Variants in ZCCHC14 observed in about 807,000 individuals in gnomAD.
ZCCHC14 encodes the protein zinc finger CCHC domain-containing protein 14.
ZCCHC14 carries 16 observed loss-of-function variants against 85.0 expected under a neutral mutation model. That is an observed-to-expected ratio of 0.19 (90% CI 0.13 to 0.29). The LOEUF (loss-of-function observed/expected upper bound fraction) is 0.29, where lower values mean the gene tolerates loss of function less well. Ranked by LOEUF, ZCCHC14 falls within the 10% of genes least tolerant of loss-of-function variation. The pLI is 1.00. For missense variants in ZCCHC14, 1,303 were observed against 1,443.5 expected, an observed-to-expected ratio of 0.90 and a Z score of 1.58; for synonymous variants, 775 against 630.7, an observed-to-expected ratio of 1.23 and a Z score of -3.43.
intron 1 of ZCCHC14, chr16:87,473,972 C>T (rs879277780): frequency 3.9e-5 from 6 of 152,224 alleles, no homozygotes; most frequent in Non-Finnish European, 8.8e-5. Flanking sequence ...ATCGCTGCTT[C>T]AGAGCCAGGG....
intron 1 of ZCCHC14, among the ~76,000 whole-genome samples, chr16:87,488,966 A>G (rs201349689): frequency 1.2e-5 from 1 of 82,192 alleles, no homozygotes; most frequent in Non-Finnish European, 2.0e-5. Flanking sequence ...TCTAAGCTCA[A>G]AGAGTTCAAA....
chr16:87,463,363 T>C (rs1024845939), intron 1 of ZCCHC14, among the ~76,000 whole-genome samples: 8 of 152,110 alleles, frequency 5.3e-5, no homozygotes, highest in East Asian at 1.9e-4. Context: ...GCCTGGGCGA[T>C]AGCGAGACCC....
In ZCCHC14 at chr16:87,408,709, T is replaced by C. The variant is rs1908309118; in HGVS notation, c.*1571A>G. 6.6e-6 allele frequency: 1 copy of C among 152,484 alleles called. No individual in the cohort carries two copies. Among genetic ancestry groups the C allele is most frequent in the Non-Finnish European group, 1.5e-5 (1 of 68,050 alleles). 9.4% of individuals were successfully genotyped at this position (152,484 alleles called of 1,614,324 possible). A position where few individuals can be genotyped will look rare whatever the true frequency, so the allele number is the denominator to read the frequency against. On this transcript the variant is annotated 3_prime_UTR_variant, in exon 13 of 13. Transcript: ENST00000671377. ...AAAATGTAACAACTTTCTGCTTTAGTTTCTATGAAGTTAGGAACTGCTCTT... is the reference window on the plus strand; with the variant it reads ...AAAATGTAACAACTTTCTGCTTTAGCTTCTATGAAGTTAGGAACTGCTCTT...
chr16:87,446,067 T>C (rs1389645971), intron 2 of ZCCHC14, among the ~76,000 whole-genome samples: 2 of 147,512 alleles, frequency 1.4e-5, no homozygotes, highest in African/African-American at 5.1e-5. Flanking sequence ...TTTGGGAGGC[T>C]AAGGCAGAAG....
chr16:87,443,000 A>G (rs925203297), intron 2 of ZCCHC14, among the ~76,000 whole-genome samples: 1 of 152,256 alleles, frequency 6.6e-6, no homozygotes, highest in Admixed American at 6.5e-5. Context: ...CTTTGAACAG[A>G]AGGAAAATGA....
intron 2 of ZCCHC14, among the ~76,000 whole-genome samples, chr16:87,451,199 C>CTT (rs35771265): frequency 0.023 from 3,079 of 136,640 alleles, 190 homozygotes; most frequent in South Asian, 0.21. Flanking sequence ...GGCGCCCAGC[C>CTT]TTTTTTTTTT....
chr16:87,418,492 G>A (rs558370761), intron 7 of ZCCHC14, among the ~76,000 whole-genome samples: 8 of 152,150 alleles, frequency 5.3e-5, no homozygotes, highest in South Asian at 2.1e-4. Flanking sequence ...GCCGGCATAC[G>A]ACTGCAGCTA....
intron 1 of ZCCHC14, among the ~76,000 whole-genome samples, chr16:87,462,412 G>A (rs1279009565): frequency 2.0e-5 from 3 of 152,128 alleles, no homozygotes; most frequent in Non-Finnish European, 4.4e-5. Flanking sequence ...TACTTTGCAA[G>A]ACAACTCAGG....
Position 87,407,802 on chromosome 16 carries a change from C to T in ZCCHC14, c.*2478G>A, listed in dbSNP as rs1253923573. Reference sequence around the variant, plus strand: ...ATGACCGCAAAACGCTCTTCAGACGCGCCGACCTTGGTGGCTTTTGGAGAG... The same window carrying T: ...ATGACCGCAAAACGCTCTTCAGACGTGCCGACCTTGGTGGCTTTTGGAGAG... On this transcript the variant is annotated 3_prime_UTR_variant, in exon 13 of 13. Coordinates refer to ENST00000671377, the MANE Select transcript of ZCCHC14 (RefSeq NM_015144.3). 6.6e-6 allele frequency: 1 copy of T among 152,514 alleles called. No homozygotes were observed. The highest frequency in any genetic ancestry group is 2.4e-5 in the African/African-American group (1 of 41,450). The allele number at this position is 152,514 out of a possible 1,614,324, so 9.4% of individuals were successfully genotyped here. A position where few individuals can be genotyped will look rare whatever the true frequency, so the allele number is the denominator to read the frequency against.
rs767388436 is a variant in ZCCHC14, at chr16:87,411,568, A to G, written c.3153T>C (p.Thr1051=). The part of the protein sequence containing the change: ...GNLSCYNCGA[T]GHRAQDCKQP... The stretch of plus-strand genomic sequence containing the variant: ...GTTTGCAGTCCTGGGCGCGGTGACC[A>G]GTGGCCCCGCAGTTGTAACAAGATA... Residue 1051 remains threonine, a synonymous_variant, in exon 12 of 13, where the codon ACT becomes ACC. Transcript: ENST00000671377. The G allele has an allele frequency of 6.2e-7, 1 of 1,613,716 alleles. No homozygotes were observed. Among genetic ancestry groups the G allele is most frequent in the African/African-American group, 1.3e-5 (1 of 75,048 alleles).
chr16:87,485,511 T>C (rs910071570), intron 1 of ZCCHC14, among the ~76,000 whole-genome samples: 1 of 150,924 alleles, frequency 6.6e-6, no homozygotes, highest in Non-Finnish European at 1.5e-5. Flanking sequence ...CCTTCAATAA[T>C]GTACCCTAAT....
intron 2 of ZCCHC14, among the ~76,000 whole-genome samples, chr16:87,437,337 CAAAAAAAAAAA>C (rs34871367): frequency 2.8e-4 from 16 of 57,762 alleles, no homozygotes; most frequent in African/African-American, 9.5e-4. Flanking sequence ...AATTCCATCT[CAAAAAAAAAAA>C]AAAAAAAAAA....
At chr16:87,444,146 A>T (rs958865452) in intron 2 of ZCCHC14, among the ~76,000 whole-genome samples, 9 of 152,218 alleles carry the variant, frequency 5.9e-5, no homozygotes, top group Middle Eastern at 6.8e-3. Context: ...CTCCATCAGC[A>T]GGGCACACAC....
At chr16:87,457,957 C>G (rs567026712) in intron 2 of ZCCHC14, among the ~76,000 whole-genome samples, 1 of 152,274 alleles carries the variant, frequency 6.6e-6, no homozygotes, top group South Asian at 2.1e-4. Context: ...TTGAGAATGA[C>G]CACTCGTGGC....
At chr16:87,469,065 GAAC>G (rs761741643) in intron 1 of ZCCHC14, among the ~76,000 whole-genome samples, 1 of 152,140 alleles carries the variant, frequency 6.6e-6, no homozygotes, top group Non-Finnish European at 1.5e-5. Context: ...GAGAATAAAA[GAAC>G]AAAAAGTACT....
At chr16:87,436,312 C>T (rs559592020) in intron 2 of ZCCHC14, among the ~76,000 whole-genome samples, 190 of 152,392 alleles carry the variant, frequency 1.2e-3, no homozygotes, top group Non-Finnish European at 2.5e-3. Context: ...CTAGCCTGGG[C>T]AGTGGCGGCC....
intron 1 of ZCCHC14, among the ~76,000 whole-genome samples, chr16:87,482,205 G>A (rs575437210): frequency 2.6e-5 from 4 of 152,160 alleles, no homozygotes; most frequent in East Asian, 1.9e-4. Context: ...TGAGCTACTG[G>A]GAACCTTCAC....
intron 1 of ZCCHC14, 89 bp from the exon 2 acceptor site, chr16:87,460,220 C>T (rs1911193153): frequency 5.4e-6 from 8 of 1,484,200 alleles, no homozygotes; most frequent in African/African-American, 1.4e-5. Flanking sequence ...TTCATAATTA[C>T]CTTGGTTTCC....
intron 3 of ZCCHC14, among the ~76,000 whole-genome samples, chr16:87,432,392 T>C (rs1487091929): frequency 6.6e-6 from 1 of 152,116 alleles, no homozygotes; most frequent in African/African-American, 2.4e-5. Context: ...GAATGTTCCT[T>C]AAGAGAAAGA....
Sources: gnomAD v4.1 joint callset for allele counts (sites outside exome capture counted in the v4.1 genomes callset) on GRCh38, gnomAD v4.1.1 for gene constraint, MANE v1.5 for transcripts, NCBI Gene and HGNC (gene_info 2026-07-23, HGNC 2026-07-21) for gene names.